The following LRP2 variants were observed in gnomAD, a reference collection of about 807,000 sequenced individuals.
The protein encoded by LRP2 is LDL receptor related protein 2, also known as low-density lipoprotein receptor-related protein 2.
LRP2 carries 172 observed loss-of-function variants against 531.0 expected under a neutral mutation model. That is an observed-to-expected ratio of 0.32 (90% CI 0.29 to 0.37). The LOEUF (loss-of-function observed/expected upper bound fraction) is 0.37. Ranked by LOEUF, LRP2 falls within the 10% of genes least tolerant of loss-of-function variation. The probability of loss-of-function intolerance (pLI) is 1.00; values close to 1 mark genes in which losing one functional copy is unlikely to be tolerated. For missense variants in LRP2, 5,167 were observed against 5,868.3 expected, an observed-to-expected ratio of 0.88 and a Z score of 3.90; for synonymous variants, 1,992 against 2,027.6, an observed-to-expected ratio of 0.98 and a Z score of 0.47.
At chr2:169,239,495 G>A (rs1368154569) in intron 26 of LRP2, 32 bp downstream of exon 26, 1 of 1,613,752 alleles carries the variant, frequency 6.2e-7, no homozygotes, top group African/African-American at 1.3e-5. Flanking sequence ...GGGATGTGCT[G>A]ATAAACTGGC....
At chr2:169,299,363 C>G (rs898718083) in intron 4 of LRP2, among the ~76,000 whole-genome samples, 1 of 151,916 alleles carries the variant, frequency 6.6e-6, no homozygotes, top group African/African-American at 2.4e-5. Context: ...GGGTCTTAAG[C>G]CTGAGATTCC....
At chr2:169,233,106 G>A (rs1270485975) in intron 30 of LRP2, among the ~76,000 whole-genome samples, 1 of 152,140 alleles carries the variant, frequency 6.6e-6, no homozygotes, top group Non-Finnish European at 1.5e-5. Context: ...GGCACTATCT[G>A]GTCTGTACTC....
intron 50 of LRP2, chr2:169,182,631 C>A (rs1687483936): frequency 1.0e-6 from 1 of 985,188 alleles, no homozygotes; most frequent in African/African-American, 1.7e-5. Context: ...CCAGGCAGTG[C>A]AAAGGCTTAG....
intron 1 of LRP2, among the ~76,000 whole-genome samples, chr2:169,350,959 A>G (rs74527690): frequency 6.6e-6 from 1 of 152,144 alleles, no homozygotes; most frequent in Admixed American, 6.5e-5. Flanking sequence ...AAAGAGGGCC[A>G]TGAGACAGGA....
In LRP2 at chr2:169,185,682, G is replaced by T; in HGVS notation, c.9666C>A (p.Ile3222=). The T allele has an allele frequency of 6.2e-7, 1 of 1,614,052 alleles. No homozygotes were observed. Among genetic ancestry groups the T allele is most frequent in the South Asian group, 1.1e-5 (1 of 91,078 alleles). The change falls in exon 50 of 79, where the codon ATC becomes ATA. Residue 3222 remains isoleucine, a synonymous_variant. Transcript: ENST00000649046. ...LTIDGYFYSL[I]LEGLDNVVAL... ...CCACAACATTGTCCAGTCCTTCCAA[G>T]ATGAGGGAGTAAAAATAGCCATCTA...
intron 7 of LRP2, 55 bp downstream of exon 7, chr2:169,292,198 G>A (rs757395210): frequency 3.1e-5 from 40 of 1,291,174 alleles, no homozygotes; most frequent in Non-Finnish European, 4.1e-5. Flanking sequence ...AAAAACAAGC[G>A]CTGGAAAACA....
chr2:169,352,618 A>G (rs1244302129), intron 1 of LRP2, among the ~76,000 whole-genome samples: 1 of 152,170 alleles, frequency 6.6e-6, no homozygotes, highest in Non-Finnish European at 1.5e-5. Flanking sequence ...TCTATCACTG[A>G]TGGGCATTTG....
intron 9 of LRP2, among the ~76,000 whole-genome samples, chr2:169,284,236 C>CTTTTCT (rs1288219351): frequency 9.8e-6 from 1 of 101,932 alleles, no homozygotes; most frequent in Non-Finnish European, 2.2e-5. Flanking sequence ...CTTCTCTTTT[C>CTTTTCT]TTTTCTTTTT....
At chr2:169,246,107 A>G (rs1689994340) in intron 21 of LRP2, among the ~76,000 whole-genome samples, 1 of 151,900 alleles carries the variant, frequency 6.6e-6, no homozygotes, top group East Asian at 1.9e-4. Context: ...TTTTTTTTGT[A>G]TTTTGTAATT....
chr2:169,188,857 T>C (rs1274349968), intron 48 of LRP2, among the ~76,000 whole-genome samples: 2 of 152,190 alleles, frequency 1.3e-5, no homozygotes, highest in Non-Finnish European at 1.5e-5. Flanking sequence ...AACGTTTACA[T>C]TGTCAGTCCT....
chr2:169,327,417 A>G (rs7593519), intron 1 of LRP2, among the ~76,000 whole-genome samples: 27 of 76,374 alleles, frequency 3.5e-4, no homozygotes, highest in South Asian at 1.6e-3. Context: ...CGGGCCAGCC[A>G]CCCCGTCCGG....
In LRP2 at chr2:169,193,809, C is replaced by G; in HGVS notation, c.8782G>C (p.Asp2928His). ...TCACTCATATCCCCACAGTCATTAT[C>G]ACCGTCACAGATCCATTCGCTTGGG... Reference protein sequence around the residue: ...CIPSEWICDGDNDCGDMSDED... With the variant: ...CIPSEWICDGHNDCGDMSDED... Residue 2928 changes from aspartate to histidine, a missense_variant, in exon 47 of 79, where the codon GAT (aspartate) becomes CAT (histidine). Transcript: ENST00000649046. 6.2e-7 allele frequency: 1 copy of G among 1,614,176 alleles called. No homozygotes were observed. Among genetic ancestry groups the G allele is most frequent in the Non-Finnish European group, 8.5e-7 (1 of 1,180,034 alleles).
At chr2:169,320,547 T>C (rs752704492) in intron 2 of LRP2, among the ~76,000 whole-genome samples, 1 of 152,200 alleles carries the variant, frequency 6.6e-6, no homozygotes, top group Non-Finnish European at 1.5e-5. Context: ...AAGGGTGAGA[T>C]AGAAACTGAT....
rs766772739 is a variant in LRP2 at position 169,172,021 on chromosome 2, T to C, written c.11257A>G (p.Asn3753Asp). The change falls in exon 58 of 79, where the codon AAC (asparagine) becomes GAC (aspartate). Residue 3753 changes from asparagine to aspartate, a missense_variant. Transcript: ENST00000649046. ...NDCGDNSDEE[N>D]CAPRECTESE... ...TAGGACTGTGAACACTCACCACAGT[T>C]TTCCTCATCTGAGTTATCTCCACAG... 2 of 1,614,102 alleles carry C rather than the reference T, an allele frequency of 1.2e-6. No individual in the cohort carries two copies. The highest frequency in any genetic ancestry group is 2.2e-5 in the South Asian group (2 of 91,074).
chr2:169,316,207 C>G (rs556777888), intron 3 of LRP2, among the ~76,000 whole-genome samples: 1 of 151,464 alleles, frequency 6.6e-6, no homozygotes, highest in African/African-American at 2.4e-5. Flanking sequence ...AAGAGATTAA[C>G]TTTAGAAATA....
Position 169,279,366 on chromosome 2 carries a change from A to C in LRP2, c.1565+6T>G, listed in dbSNP as rs758453466. The C allele has an allele frequency of 1.3e-5, 21 of 1,600,518 alleles. No homozygotes were observed. Among genetic ancestry groups the C allele is most frequent in the Non-Finnish European group, 1.8e-5 (21 of 1,167,628 alleles). Reference sequence around the variant, plus strand: ...ACAGGAATCAATATGTTTTCACATCACTTACCCAACAGTTGGGTCCACGGC... The same window carrying C: ...ACAGGAATCAATATGTTTTCACATCCCTTACCCAACAGTTGGGTCCACGGC... On this transcript the variant is annotated splice_donor_region_variant and intron_variant, in intron 12 of 78. Transcript: ENST00000649046.
In LRP2 at chr2:169,129,061, T is replaced by C; in HGVS notation, c.13752A>G (p.Lys4584=). 1.2e-6 allele frequency: 2 copies of C among 1,611,172 alleles called. No individual in the cohort carries two copies. The highest frequency in any genetic ancestry group is 1.7e-6 in the Non-Finnish European group (2 of 1,177,348). ...GTQVTKWNLF[K]RKSKQTTNFE... Reference sequence around the variant, plus strand: ...AGTTGGTAGTTTGTTTAGATTTTCGTTTGAAGAGATTCCATTTTGTCACCT... The same window carrying C: ...AGTTGGTAGTTTGTTTAGATTTTCGCTTGAAGAGATTCCATTTTGTCACCT... Residue 4584 remains lysine, a synonymous_variant, in exon 78 of 79, where the codon AAA becomes AAG. Transcript: ENST00000649046.
rs181169727 is a variant in LRP2 at position 169,300,787 on chromosome 2, T to G, written c.428-6077A>C. ...TGGAGAGTCGCCTGCTTCTTCTTTCTGGCTTCAGGGAGAGAGAGAATAGCA... is the reference window on the plus strand; with the variant it reads ...TGGAGAGTCGCCTGCTTCTTCTTTCGGGCTTCAGGGAGAGAGAGAATAGCA... On this transcript the variant is annotated intron_variant, in intron 4 of 78. Transcript: ENST00000649046. 1.4e-3 allele frequency among the ~76,000 whole-genome samples: 220 copies of G among 152,212 alleles called. 1 individual carries two copies. Among genetic ancestry groups the G allele is most frequent in the African/African-American group, 5.0e-3 (209 of 41,546 alleles).
intron 33 of LRP2, among the ~76,000 whole-genome samples, chr2:169,222,603 T>C (rs183083319): frequency 2.0e-5 from 3 of 152,352 alleles, no homozygotes; most frequent in African/African-American, 4.8e-5. Context: ...CTGAATGCTA[T>C]ATATACTATA....
Sources: gnomAD v4.1 joint callset for allele counts (sites outside exome capture counted in the v4.1 genomes callset) on GRCh38, gnomAD v4.1.1 for gene constraint, MANE v1.5 for transcripts, NCBI Gene and HGNC (gene_info 2026-07-23, HGNC 2026-07-21) for gene names.